Variants in AIM2 observed in about 807,000 individuals in gnomAD.
AIM2 encodes the protein absent in melanoma 2.
AIM2 carries 30 observed loss-of-function variants against 27.7 expected under a neutral mutation model. The ratio of observed to expected loss-of-function variants is 1.08; its 90% CI spans 0.81 to 1.47. The LOEUF (loss-of-function observed/expected upper bound fraction) is 1.47. Among genes scored for constraint, AIM2 ranks in the 40% most tolerant of loss-of-function variants. The pLI, the probability that AIM2 is intolerant of heterozygous loss-of-function variation, is 0.00. For synonymous variants in AIM2, 141 were observed against 145.3 expected, an observed-to-expected ratio of 0.97 and a Z score of 0.21; for missense variants, 358 against 411.3, an observed-to-expected ratio of 0.87 and a Z score of 1.12.
At chr1:159,145,839 G>A (rs1254558522) in intron 1 of AIM2, among the ~76,000 whole-genome samples, 1 of 152,178 alleles carries the variant, frequency 6.6e-6, no homozygotes, top group Non-Finnish European at 1.5e-5. Flanking sequence ...CAGGCATGGT[G>A]GCTTATGCCT....
rs77127489 is a variant in AIM2, at chr1:159,095,753, T to C, written c.-15-29424A>G. 3.9e-4 allele frequency among the ~76,000 whole-genome samples: 59 copies of C among 152,330 alleles called. No homozygotes were observed. The East Asian group carries it at 0.01, about 26-fold the overall frequency. On this transcript the variant is annotated intron_variant, in intron 1 of 2. Transcript: ENST00000368129. ...TAGAAGTATTTAACATTTTAGTCTC[T>C]TAATTGGCAATATCATACATTGTAT... is the stretch of plus-strand genomic sequence containing the variant.
At chr1:159,145,245 T>C (rs1025802423), upstream of AIM2, among the ~76,000 whole-genome samples, 1 of 152,172 alleles carries the variant, frequency 6.6e-6, no homozygotes, top group African/African-American at 2.4e-5. Context: ...AAAATGGACA[T>C]ACATACCCAC....
chr1:159,113,038 G>A (rs961106376), intron 1 of AIM2, among the ~76,000 whole-genome samples: 1 of 151,830 alleles, frequency 6.6e-6, no homozygotes, highest in South Asian at 2.1e-4. Flanking sequence ...TCCGCTTCCG[G>A]GGTTCACGCC....
chr1:159,112,174 T>C (rs747011810), intron 1 of AIM2, among the ~76,000 whole-genome samples: 1 of 152,178 alleles, frequency 6.6e-6, no homozygotes, highest in Non-Finnish European at 1.5e-5. Flanking sequence ...CCAGTTCCTA[T>C]GCTATTTAAA....
At chr1:159,073,192 G>C in intron 2 of AIM2, 46 bp downstream of exon 2, 9 of 1,608,440 alleles carry the variant, frequency 5.6e-6, no homozygotes, top group Non-Finnish European at 6.8e-6. Flanking sequence ...AAAGGCCCAG[G>C]CTTGGCAGAA....
intron 1 of AIM2, among the ~76,000 whole-genome samples, chr1:159,104,986 G>T (rs1405718129): frequency 6.6e-6 from 1 of 152,202 alleles, no homozygotes; most frequent in African/African-American, 2.4e-5. Context: ...GTGTCCAGTG[G>T]CACCTTTGCC....
At chr1:159,070,160 C>A (rs1260255658) in intron 2 of AIM2, among the ~76,000 whole-genome samples, 1 of 144,244 alleles carries the variant, frequency 6.9e-6, no homozygotes, top group Non-Finnish European at 1.5e-5. Context: ...TCCTTTCCAT[C>A]AGAACATTTG....
In AIM2 at chr1:159,137,419, G is replaced by A. The variant is rs541736015; in HGVS notation, c.-16+3012C>T. ...CACCTGTAATCCCAGCACTTTGGGA[G>A]GCTGAGGCGGGTGGATCACTTGATC... On this transcript the variant is annotated intron_variant, in intron 1 of 2. Coordinates refer to the AIM2 transcript ENST00000368129. Among the ~76,000 whole-genome samples the A allele has an allele frequency of 2.6e-5, 4 of 152,292 alleles. No homozygotes were observed. The South Asian group carries it at 8.3e-4, about 32-fold the overall frequency.
At chr1:159,119,637 T>A (rs549833658) in intron 1 of AIM2, among the ~76,000 whole-genome samples, 1 of 152,278 alleles carries the variant, frequency 6.6e-6, no homozygotes, top group East Asian at 1.9e-4. Flanking sequence ...GAGCCCTAGT[T>A]CTTTTTAGAG....
chr1:159,101,189 G>A (rs903370684), intron 1 of AIM2, among the ~76,000 whole-genome samples: 3 of 152,122 alleles, frequency 2.0e-5, no homozygotes. Context: ...GTTGGGGGCA[G>A]GGGGCGGGGG....
At chr1:159,091,524 T>C (rs543056951) in intron 1 of AIM2, among the ~76,000 whole-genome samples, 1 of 152,368 alleles carries the variant, frequency 6.6e-6, no homozygotes, top group Non-Finnish European at 1.5e-5. Flanking sequence ...TGCTTGAGGA[T>C]GGCCAGCATG....
At chr1:159,090,861 A>T (rs1198096647) in intron 1 of AIM2, among the ~76,000 whole-genome samples, 1 of 152,174 alleles carries the variant, frequency 6.6e-6, no homozygotes, top group Admixed American at 6.5e-5. Flanking sequence ...GATGCTAAAG[A>T]CTTTCCCTAA....
upstream of AIM2, among the ~76,000 whole-genome samples, chr1:159,142,691 G>C (rs1246114394): frequency 6.6e-6 from 1 of 152,144 alleles, no homozygotes; most frequent in African/African-American, 2.4e-5. Flanking sequence ...ACCCAGCTCA[G>C]ATCCAAGAAA....
upstream of AIM2, chr1:159,076,786 C>T (rs1557897099): frequency 6.6e-6 from 1 of 152,274 alleles, no homozygotes; most frequent in South Asian, 2.1e-4. Context: ...CACATGTACC[C>T]CTAATAAACA....
At chr1:159,081,341 T>C, upstream of AIM2, 1 of 275,242 alleles carries the variant, frequency 3.6e-6, no homozygotes, top group East Asian at 1.1e-4. Context: ...TACAATGAAA[T>C]GCTTGCACCA....
intron 1 of AIM2, among the ~76,000 whole-genome samples, chr1:159,104,619 T>C (rs1327748498): frequency 6.6e-6 from 1 of 152,244 alleles, no homozygotes; most frequent in African/African-American, 2.4e-5. Flanking sequence ...GTGATTTTTA[T>C]AGTGATTACA....
At chr1:159,129,874 T>C (rs1479893798) in intron 1 of AIM2, among the ~76,000 whole-genome samples, 1 of 152,044 alleles carries the variant, frequency 6.6e-6, no homozygotes, top group Non-Finnish European at 1.5e-5. Context: ...ACCACACACT[T>C]CTCCCTCCAG....
chr1:159,117,195 CGG>C (rs1386649931), intron 1 of AIM2, among the ~76,000 whole-genome samples: 1 of 151,976 alleles, frequency 6.6e-6, no homozygotes, highest in Non-Finnish European at 1.5e-5. Context: ...ATTTTAAAAA[CGG>C]AGGAGACAGG....
In AIM2 at chr1:159,068,191, C is replaced by T. The variant is rs1557892541; in HGVS notation, c.396+377G>A. ...AGCTCCCTGTAGGGTAGGCCAAGGCCTCTATTGCAACTACATTGGACTTGA... is the reference window on the plus strand; with the variant it reads ...AGCTCCCTGTAGGGTAGGCCAAGGCTTCTATTGCAACTACATTGGACTTGA... On this transcript the variant is annotated intron_variant, in intron 3 of 5. Transcript: ENST00000368130. Among the ~76,000 whole-genome samples, 5 of 152,118 alleles carry T rather than the reference C, an allele frequency of 3.3e-5. No homozygotes were observed. The South Asian group carries it at 1.0e-3, about 31-fold the overall frequency.
Sources: gnomAD v4.1 joint callset for allele counts (sites outside exome capture counted in the v4.1 genomes callset) on GRCh38, gnomAD v4.1.1 for gene constraint, MANE v1.5 for transcripts, NCBI Gene and HGNC (gene_info 2026-07-23, HGNC 2026-07-21) for gene names.